Variants in EEF2K observed in about 807,000 individuals in gnomAD.
EEF2K encodes the protein alternative protein EEF2K.
A neutral mutation model predicts 93.8 loss-of-function variants in EEF2K; 70 were observed. The ratio of observed to expected loss-of-function variants is 0.75; its 90% CI spans 0.62 to 0.91. EEF2K has a LOEUF of 0.91. Ranked by LOEUF, EEF2K falls within the 40% of genes least tolerant of loss-of-function variation. The pLI is 0.00. For missense variants in EEF2K, 935 were observed against 972.9 expected (o/e 0.96, Z 0.52); for synonymous variants, 376 against 380.8 (o/e 0.99, Z 0.15).
intron 1 of EEF2K, among the ~76,000 whole-genome samples, chr16:22,217,232 G>T (rs185238640): frequency 1.6e-4 from 22 of 135,586 alleles, no homozygotes; most frequent in South Asian, 2.4e-4. Context: ...GATAGATAGA[G>T]AGAGAGAGAG....
intron 1 of EEF2K, among the ~76,000 whole-genome samples, chr16:22,225,421 G>A (rs954602629): frequency 5.3e-5 from 8 of 152,220 alleles, no homozygotes; most frequent in African/African-American, 1.9e-4. Flanking sequence ...TTCCCAACCT[G>A]GTTCCAACAT....
In EEF2K at chr16:22,212,309, T is replaced by C. The variant is rs973003651; in HGVS notation, c.-77+5630T>C. Among the ~76,000 whole-genome samples the C allele has an allele frequency of 3.3e-5, 5 of 152,080 alleles. No individual in the cohort carries two copies. The South Asian group carries it at 1.0e-3, about 32-fold the overall frequency. ...GCAGGTTGCTGTTTACATCGGTAAG[T>C]TGATTTCTCTGTCTCTTTCTTTTTT... On this transcript the variant is annotated intron_variant, in intron 1 of 17. Coordinates refer to ENST00000263026, the MANE Select transcript of EEF2K (RefSeq NM_013302.5).
rs1245543980 is a variant in EEF2K at position 22,263,115 on chromosome 16, T to C, written c.1305T>C (p.Ser435=). Residue 435 remains serine (S), a synonymous_variant, in exon 12 of 18, where the codon TCT becomes TCC. Transcript: ENST00000263026. The part of the protein sequence containing the change: ...DHDHLDNHRE[S]ENSGDSGYPS... Reference sequence around the variant, plus strand: ...AGGCCGTCTTCTCTCCACAGGAGTCTGAGAATAGTGGGGACAGCGGATACC... The same window carrying C: ...AGGCCGTCTTCTCTCCACAGGAGTCCGAGAATAGTGGGGACAGCGGATACC... 11 of 1,610,930 alleles carry C rather than the reference T, an allele frequency of 6.8e-6. No homozygotes were observed. Among genetic ancestry groups the C allele is most frequent in the Non-Finnish European group, 8.5e-6 (10 of 1,178,400 alleles).
At chr16:22,264,020 G>A (rs546870509) in intron 12 of EEF2K, among the ~76,000 whole-genome samples, 3 of 151,988 alleles carry the variant, frequency 2.0e-5, no homozygotes, top group South Asian at 4.2e-4. Flanking sequence ...CTGGCCGGGC[G>A]TGGTGGCTTA....
At position 22,283,871 on chromosome 16, in the gene EEF2K, C is replaced by A; in HGVS notation, c.2069-16C>A. 6.4e-7 allele frequency: 1 copy of A among 1,571,736 alleles called. No individual in the cohort carries two copies. The highest frequency in any genetic ancestry group is 8.6e-7 in the Non-Finnish European group (1 of 1,158,412). On this transcript the variant is annotated splice_polypyrimidine_tract_variant and intron_variant, in intron 17 of 17. Transcript: ENST00000263026. Reference sequence around the variant, plus strand: ...AGGTGGTTCACCTCTTTTTGCCCCCCTTTGCTGTCTTTCAGGGGACTTGTA... The same window carrying A: ...AGGTGGTTCACCTCTTTTTGCCCCCATTTGCTGTCTTTCAGGGGACTTGTA...
intron 15 of EEF2K, among the ~76,000 whole-genome samples, chr16:22,267,456 G>A (rs1370891972): frequency 6.6e-6 from 1 of 152,062 alleles, no homozygotes; most frequent in Non-Finnish European, 1.5e-5. Flanking sequence ...TTAGCCGGAC[G>A]TGGTGGCACA....
rs115217797 is a variant in EEF2K at position 22,258,705 on chromosome 16, G to A, written c.1231+10G>A. On this transcript the variant is annotated intron_variant, in intron 10 of 17. Transcript: ENST00000263026. ...AAGCTAGACCACCTCCGTGAGTGAC[G>A]GTTCGGTCCCTAGTCACTGTGATTG... 590 of 1,613,968 alleles carry A rather than the reference G, an allele frequency of 3.7e-4. 1 individual carries two copies. The African/African-American group carries it at 6.7e-3, about 18-fold the overall frequency.
chr16:22,225,544 C>T (rs1227368587), intron 1 of EEF2K, 110 bp from the exon 2 acceptor site: 2 of 870,210 alleles, frequency 2.3e-6, no homozygotes, highest in Non-Finnish European at 1.7e-6. Flanking sequence ...CTAGGTTTTA[C>T]CCCAAGGGTG....
chr16:22,209,979 A>G (rs2046899413), intron 1 of EEF2K, among the ~76,000 whole-genome samples: 1 of 152,122 alleles, frequency 6.6e-6, no homozygotes, highest in Admixed American at 6.6e-5. Flanking sequence ...ATTTTAGTGT[A>G]GAGATGGGGT....
At chr16:22,218,642 G>A (rs1418326858) in intron 1 of EEF2K, among the ~76,000 whole-genome samples, 1 of 152,216 alleles carries the variant, frequency 6.6e-6, no homozygotes, top group Non-Finnish European at 1.5e-5. Flanking sequence ...CTACGAGCCA[G>A]ACGTCCAGGT....
intron 1 of EEF2K, among the ~76,000 whole-genome samples, chr16:22,208,190 A>T (rs2046882269): frequency 6.6e-6 from 1 of 152,202 alleles, no homozygotes; most frequent in Non-Finnish European, 1.5e-5. Context: ...AAGTGGTCAC[A>T]GTTTACACAT....
Position 22,280,395 on chromosome 16 carries a change from G to A in EEF2K, c.2068+19G>A. 6.8e-7 allele frequency: 1 copy of A among 1,464,946 alleles called. No homozygotes were observed. Among genetic ancestry groups the A allele is most frequent in the East Asian group, 2.6e-5 (1 of 38,266 alleles). The allele number at this position is 1,464,946 out of a possible 1,614,324, so 90.7% of individuals were successfully genotyped here. ...AGATCAGGTAGGGCCTGGCAGACCT[G>A]CCCCTGGGCTGCAACAGGGCTGGGC... On this transcript the variant is annotated intron_variant, in intron 17 of 17. Transcript: ENST00000263026.
At chr16:22,238,266 G>A (rs919615253) in intron 2 of EEF2K, among the ~76,000 whole-genome samples, 3 of 152,070 alleles carry the variant, frequency 2.0e-5, no homozygotes, top group Admixed American at 6.6e-5. Context: ...CAGCCTGGAC[G>A]ACAGAGTGAG....
intron 16 of EEF2K, among the ~76,000 whole-genome samples, chr16:22,276,647 G>A (rs2047639098): frequency 6.6e-6 from 1 of 152,194 alleles, no homozygotes; most frequent in South Asian, 2.1e-4. Flanking sequence ...GGGGTGGACA[G>A]GGGTCAGCGA....
At chr16:22,229,590 A>G (rs1383710619) in intron 2 of EEF2K, among the ~76,000 whole-genome samples, 1 of 151,902 alleles carries the variant, frequency 6.6e-6, no homozygotes. Flanking sequence ...GGTCCCAGCT[A>G]CTCGGGAGGC....
chr16:22,238,835 G>A (rs1476054510), intron 2 of EEF2K, among the ~76,000 whole-genome samples: 1 of 152,002 alleles, frequency 6.6e-6, no homozygotes, highest in East Asian at 1.9e-4. Flanking sequence ...CCCACCTGAT[G>A]GTAACATTAC....
At chr16:22,215,331 G>T (rs1401640395) in intron 1 of EEF2K, among the ~76,000 whole-genome samples, 1 of 152,080 alleles carries the variant, frequency 6.6e-6, no homozygotes, top group African/African-American at 2.4e-5. Flanking sequence ...GACCCTATTC[G>T]CCTGCCTCAG....
chr16:22,254,356 C>T (rs2047379725), intron 6 of EEF2K, among the ~76,000 whole-genome samples: 1 of 152,152 alleles, frequency 6.6e-6, no homozygotes, highest in Non-Finnish European at 1.5e-5. Flanking sequence ...GGCCGGTTCT[C>T]AGAACCCATT....
rs1420206149 is a variant in EEF2K at position 22,262,084 on chromosome 16, G to A, written c.1300-1026G>A. Among the ~76,000 whole-genome samples the A allele has an allele frequency of 5.9e-5, 9 of 151,834 alleles. 1 individual carries two copies. Among genetic ancestry groups the A allele is most frequent in the Non-Finnish European group, 1.2e-4 (8 of 68,008 alleles). ...ATAAAGAAGGAAATAAAACTATTCCGTTACTAATTGTGCAGGTGACATGCA... is the reference window on the plus strand; with the variant it reads ...ATAAAGAAGGAAATAAAACTATTCCATTACTAATTGTGCAGGTGACATGCA... On this transcript the variant is annotated intron_variant, in intron 11 of 17. Coordinates refer to ENST00000263026, the MANE Select transcript of EEF2K (RefSeq NM_013302.5).
Sources: allele counts gnomAD v4.1 joint callset (sites outside exome capture counted in the v4.1 genomes callset), GRCh38; gene constraint gnomAD v4.1.1; transcripts MANE v1.5; gene names NCBI Gene and HGNC (gene_info 2026-07-23, HGNC 2026-07-21).